Variants in ZDHHC18 observed in about 807,000 individuals in gnomAD.
The protein encoded by ZDHHC18 is zDHHC palmitoyltransferase 18.
Under a neutral mutation model 37.5 loss-of-function variants are expected in ZDHHC18, and 23 were observed. The observed-to-expected ratio is 0.61, with a 90% confidence interval of 0.44 to 0.87. The LOEUF (loss-of-function observed/expected upper bound fraction) is 0.87, where lower values mean the gene tolerates loss of function less well. ZDHHC18 is among the 40% of genes least tolerant of loss of function. The pLI, the probability that ZDHHC18 is intolerant of heterozygous loss-of-function variation, is 0.00. For synonymous variants in ZDHHC18, 185 were observed against 218.7 expected (o/e 0.85, Z 1.36); for missense variants, 406 against 525.6 (o/e 0.77, Z 2.22).
At chr1:26,841,592 C>A (rs1000652531) in intron 2 of ZDHHC18, among the ~76,000 whole-genome samples, 8 of 152,128 alleles carry the variant, frequency 5.3e-5, no homozygotes, top group Non-Finnish European at 1.2e-4. Flanking sequence ...AGTGGGGAGC[C>A]AAAAGCTGGG....
chr1:26,826,721 C>A lies in ZDHHC18; in HGVS notation c.-84C>A. 1.5e-6 allele frequency: 1 copy of A among 667,900 alleles called. No homozygotes were observed. Among genetic ancestry groups the A allele is most frequent in the Non-Finnish European group, 1.8e-6 (1 of 542,074 alleles). The allele number at this position is 667,900 out of a possible 1,614,324, so 41.4% of individuals were successfully genotyped here. On this transcript the variant is annotated 5_prime_UTR_variant, in exon 1 of 8. Transcript: ENST00000374142. This position sits in a 1 kb window ranked among gnomAD's most constrained non-coding sequence, Gnocchi z 5.2. ...AGCGAGCGAGCGCCGCGCGCGCCGCCGCTGCCACCTCCGCTGCTCGGCCCG... is the reference window on the plus strand; with the variant it reads ...AGCGAGCGAGCGCCGCGCGCGCCGCAGCTGCCACCTCCGCTGCTCGGCCCG...
intron 7 of ZDHHC18, 189 bp downstream of exon 7, chr1:26,853,054 A>C: frequency 1.8e-6 from 1 of 557,958 alleles, no homozygotes; most frequent in Non-Finnish European, 3.2e-6. Flanking sequence ...TTGTAGAAAA[A>C]AAAAATTAAG....
rs2081734992 is a variant in ZDHHC18, at chr1:26,856,503, G to C, written c.*2660G>C. ...TGAGGAAGTAGCTTCTCGCAGAGCA[G>C]CTCTCCAGCTGGAAGAGGAGGTGGA... On this transcript the variant is annotated 3_prime_UTR_variant, in exon 8 of 8. Transcript: ENST00000374142. The surrounding 1 kb of genome is among the most constrained non-coding windows in gnomAD (Gnocchi z 5.2). 4.5e-6 allele frequency: 1 copy of C among 222,980 alleles called. No individual in the cohort carries two copies. Among genetic ancestry groups the C allele is most frequent in the Non-Finnish European group, 9.8e-6 (1 of 101,666 alleles). The allele number at this position is 222,980 out of a possible 1,614,324, so 13.8% of individuals were successfully genotyped here. A position where few individuals can be genotyped will look rare whatever the true frequency, so the allele number is the denominator to read the frequency against.
Position 26,850,554 on chromosome 1 carries a change from C to T in ZDHHC18, c.785-4C>T. The stretch of plus-strand genomic sequence containing the variant: ...CTTGTCCTCTCCTGTTTCTTTCTCC[C>T]CAGGCGCTCAGGGAAGCAACTTCCT... On this transcript the variant is annotated splice_region_variant and splice_polypyrimidine_tract_variant and intron_variant, in intron 4 of 7. Coordinates refer to ENST00000374142, the MANE Select transcript of ZDHHC18 (RefSeq NM_032283.3). The surrounding 1 kb of genome is among the most constrained non-coding windows in gnomAD (Gnocchi z 6.1). 1 of 1,614,172 alleles carries T rather than the reference C, an allele frequency of 6.2e-7. No individual in the cohort carries two copies. The highest frequency in any genetic ancestry group is 8.5e-7 in the Non-Finnish European group (1 of 1,180,032).
chr1:26,834,741 C>T (rs983818321), intron 2 of ZDHHC18, among the ~76,000 whole-genome samples: 10 of 152,216 alleles, frequency 6.6e-5, no homozygotes, highest in Admixed American at 6.5e-4. Context: ...CTGTGAAGGC[C>T]CTCCTTGCTC....
intron 2 of ZDHHC18, 136 bp from the exon 3 acceptor site, chr1:26,848,472 C>G: frequency 8.5e-7 from 1 of 1,173,064 alleles, no homozygotes. Flanking sequence ...ACATTTTACT[C>G]CAATGTTTGT....
intron 2 of ZDHHC18, among the ~76,000 whole-genome samples, chr1:26,832,907 C>G (rs1328798319): frequency 1.3e-5 from 2 of 152,192 alleles, no homozygotes; most frequent in African/African-American, 4.8e-5. Flanking sequence ...TATTTAATCC[C>G]CCAGTAATCC....
rs1233013654 is a variant in ZDHHC18, at chr1:26,850,447, TG to T, written c.784+12del. Reference sequence around the variant, plus strand: ...CACCCACCTGACGTTGCGTGAGTTGTGGGTGAGGGCAGTGGGGAGTGGAAGG... The same window carrying T: ...CACCCACCTGACGTTGCGTGAGTTGTGGTGAGGGCAGTGGGGAGTGGAAGG... On this transcript the variant is annotated intron_variant, in intron 4 of 7. Coordinates refer to ENST00000374142, the MANE Select transcript of ZDHHC18 (RefSeq NM_032283.3). The surrounding 1 kb of genome is among the most constrained non-coding windows in gnomAD (Gnocchi z 6.1). 1 of 1,613,776 alleles carries T rather than the reference TG, an allele frequency of 6.2e-7. No individual in the cohort carries two copies. The highest frequency in any genetic ancestry group is 1.7e-5 in the Admixed American group (1 of 59,990).
Position 26,850,690 on chromosome 1 carries a change from A to T in ZDHHC18, c.833+84A>T. ...GTGCCCTGCCTCATCCTCTAATCAG[A>T]AGGGAACAGCGTACAGCTCACATGT... On this transcript the variant is annotated intron_variant, in intron 5 of 7. Coordinates refer to ENST00000374142, the MANE Select transcript of ZDHHC18 (RefSeq NM_032283.3). This position sits in a 1 kb window ranked among gnomAD's most constrained non-coding sequence, Gnocchi z 6.1. 2.0e-6 allele frequency: 3 copies of T among 1,477,900 alleles called. No individual in the cohort carries two copies. The highest frequency in any genetic ancestry group is 2.0e-4 in the Middle Eastern group (1 of 4,884). 91.5% of individuals were successfully genotyped at this position (1,477,900 alleles called of 1,614,324 possible).
At chr1:26,829,115 G>A (rs547379188) in intron 1 of ZDHHC18, among the ~76,000 whole-genome samples, 1 of 152,302 alleles carries the variant, frequency 6.6e-6, no homozygotes, top group East Asian at 1.9e-4. Flanking sequence ...TTGGGGGCTG[G>A]TAGATTGGCA....
intron 1 of ZDHHC18, among the ~76,000 whole-genome samples, chr1:26,828,250 A>G (rs2081568324): frequency 2.8e-5 from 1 of 36,148 alleles, no homozygotes; most frequent in Non-Finnish European, 5.2e-5. Context: ...CCAACTCCCC[A>G]TCCTTTGTGG....
At chr1:26,835,862 T>C (rs1189458638) in intron 2 of ZDHHC18, among the ~76,000 whole-genome samples, 1 of 152,124 alleles carries the variant, frequency 6.6e-6, no homozygotes, top group Non-Finnish European at 1.5e-5. Context: ...AGTGTGGGCT[T>C]TTCCCTTTGG....
chr1:26,852,571 G>T (rs10902645), intron 6 of ZDHHC18, among the ~76,000 whole-genome samples, 182 bp from the exon 7 acceptor site: 26,839 of 152,176 alleles, frequency 0.18, 4,529 homozygotes, highest in East Asian at 0.87. Flanking sequence ...CCTCTTTGGG[G>T]CCTCCTGATC....
At chr1:26,845,320 C>CT (rs71007896) in intron 2 of ZDHHC18, among the ~76,000 whole-genome samples, 1,040 of 45,194 alleles carry the variant, frequency 0.023, 283 homozygotes, top group Non-Finnish European at 0.03. Context: ...CTTCTTCATT[C>CT]TTTTTTTTTT....
chr1:26,833,934 C>G lies in ZDHHC18; in HGVS notation c.496+1327C>G, dbSNP rs1405085965. Among the ~76,000 whole-genome samples, 3 of 152,132 alleles carry G rather than the reference C, an allele frequency of 2.0e-5. No homozygotes were observed. In the East Asian group the frequency reaches 5.8e-4, roughly 29 times the overall value. ...GGATGTTCTCTGGGCTCTGTCTGCT[C>G]TTTGTCTCATTCCTCTGCCCAGCCC... On this transcript the variant is annotated intron_variant, in intron 2 of 7. Coordinates refer to ENST00000374142, the MANE Select transcript of ZDHHC18 (RefSeq NM_032283.3).
At position 26,854,928 on chromosome 1, in the gene ZDHHC18, C is replaced by T. The variant is rs532204734; in HGVS notation, c.*1085C>T. ...CCTGGGCTGCCCCCTGCCCCATCCC[C>T]TTTGAGTGTCAGAAGCACTCTGAGC... On this transcript the variant is annotated 3_prime_UTR_variant, in exon 8 of 8. Coordinates refer to ENST00000374142, the MANE Select transcript of ZDHHC18 (RefSeq NM_032283.3). The surrounding 1 kb of genome is among the most constrained non-coding windows in gnomAD (Gnocchi z 4.6). 6.6e-6 allele frequency: 1 copy of T among 152,470 alleles called. No homozygotes were observed. Among genetic ancestry groups the T allele is most frequent in the East Asian group, 1.9e-4 (1 of 5,190 alleles). 9.4% of individuals were successfully genotyped at this position (152,470 alleles called of 1,614,324 possible). A position where few individuals can be genotyped will look rare whatever the true frequency, so the allele number is the denominator to read the frequency against.
intron 2 of ZDHHC18, among the ~76,000 whole-genome samples, chr1:26,847,607 A>G (rs951278914): frequency 6.6e-6 from 1 of 152,064 alleles, no homozygotes; most frequent in African/African-American, 2.4e-5. Context: ...AATAAGATCC[A>G]TGATGTATTG....
At chr1:26,843,167 A>T in intron 2 of ZDHHC18, among the ~76,000 whole-genome samples, 2 of 128,746 alleles carry the variant, frequency 1.6e-5, no homozygotes. Context: ...TTTGAGACGG[A>T]GTTTCGTTCT....
At chr1:26,845,776 G>T (rs78465272) in intron 2 of ZDHHC18, among the ~76,000 whole-genome samples, 1,824 of 151,808 alleles carry the variant, frequency 0.012, 39 homozygotes, top group African/African-American at 0.043. Flanking sequence ...TCTTTTGTTT[G>T]TTTGAGACAG....
Sources: allele counts gnomAD v4.1 joint callset (sites outside exome capture counted in the v4.1 genomes callset), GRCh38; gene constraint gnomAD v4.1.1; non-coding constraint Gnocchi (gnomAD v3.1); transcripts MANE v1.5; gene names NCBI Gene and HGNC (gene_info 2026-07-23, HGNC 2026-07-21).